The following ATP5IF1 variants were observed in gnomAD, a reference collection of about 807,000 sequenced individuals.
ATP5IF1 encodes the protein ATP synthase inhibitory factor subunit 1, also known as ATPase inhibitor, mitochondrial.
ATP5IF1 carries 12 observed loss-of-function variants against 8.5 expected under a neutral mutation model. That is an observed-to-expected ratio of 1.41 (90% CI 0.90 to 2.28). The LOEUF (loss-of-function observed/expected upper bound fraction) is 2.28, where lower values mean the gene tolerates loss of function less well. Ranked by LOEUF, ATP5IF1 falls within the 30% of genes most tolerant of loss-of-function variation. The pLI, the probability that ATP5IF1 is intolerant of heterozygous loss-of-function variation, is 0.00. For synonymous variants in ATP5IF1, 51 were observed against 53.4 expected (o/e 0.96, Z 0.19); for missense variants, 154 against 140.2 (o/e 1.10, Z -0.50).
chr1:28,236,280 G>T lies in ATP5IF1; in HGVS notation c.87+10G>T. ...CTTCGGCTCGGATCAGGTACGCTGCGGCAGTGTCCGCTGCTCCAGCCCCGC... is the reference window on the plus strand; with the variant it reads ...CTTCGGCTCGGATCAGGTACGCTGCTGCAGTGTCCGCTGCTCCAGCCCCGC... On this transcript the variant is annotated intron_variant, in intron 1 of 2. Coordinates refer to ENST00000335514, the MANE Select transcript of ATP5IF1 (RefSeq NM_016311.5). 6.2e-7 allele frequency: 1 copy of T among 1,614,140 alleles called. No individual in the cohort carries two copies. Among genetic ancestry groups the T allele is most frequent in the Non-Finnish European group, 8.5e-7 (1 of 1,180,020 alleles).
At position 28,237,042 on chromosome 1, in the gene ATP5IF1, G is replaced by A. The variant is rs1012515257; in HGVS notation, c.179+590G>A. The A allele has an allele frequency of 1.8e-5, 18 of 1,005,264 alleles. No homozygotes were observed. In the African/African-American group the frequency reaches 2.6e-4, roughly 15 times the overall value. 62.3% of individuals were successfully genotyped at this position (1,005,264 alleles called of 1,614,324 possible). A position where few individuals can be genotyped will look rare whatever the true frequency, so the allele number is the denominator to read the frequency against. On this transcript the variant is annotated intron_variant, in intron 2 of 2. Transcript: ENST00000335514. Reference sequence around the variant, plus strand: ...CTTTTGCCCTACTCAGCCCAACCTAGACCTGTAGATTTCCCTCTCCTGCTT... The same window carrying A: ...CTTTTGCCCTACTCAGCCCAACCTAAACCTGTAGATTTCCCTCTCCTGCTT...
At chr1:28,237,222 C>A in intron 2 of ATP5IF1, 1 of 991,618 alleles carries the variant, frequency 1.0e-6, no homozygotes, top group South Asian at 4.6e-5. Context: ...CACCATGACA[C>A]CTGCCATACC....
At position 28,236,427 on chromosome 1, in the gene ATP5IF1, C is replaced by T; in HGVS notation, c.154C>T (p.Gln52Ter). 1 of 1,614,228 alleles carries T rather than the reference C, an allele frequency of 6.2e-7. No individual in the cohort carries two copies. Among genetic ancestry groups the T allele is most frequent in the Non-Finnish European group, 8.5e-7 (1 of 1,180,044 alleles). Residue 52 changes from glutamine to a stop codon, truncating the protein, a stop_gained, in exon 2 of 3, where the codon CAG becomes TAG. Transcript: ENST00000335514. LOFTEE classifies it high-confidence loss of function. ...CGGTGGGGCCTTCGGAAAGAGAGAG[C>T]AGGCTGAAGAGGAACGATATTTCCG... ...EAGGAFGKREQAEEERYFRAQ... is the reference protein window; with the variant it reads ...EAGGAFGKRE
At chr1:28,237,003 C>G (rs1647043317) in intron 2 of ATP5IF1, 3 of 1,026,374 alleles carry the variant, frequency 2.9e-6, no homozygotes, top group Non-Finnish European at 2.3e-6. Context: ...TGGTTGGACA[C>G]CATCTTCTAA....
At chr1:28,237,057 C>G in intron 2 of ATP5IF1, 1 of 998,990 alleles carries the variant, frequency 1.0e-6, no homozygotes, top group Non-Finnish European at 1.2e-6. Context: ...GTAGATTTCC[C>G]TCTCCTGCTT....
At chr1:28,236,666 C>T in intron 2 of ATP5IF1, 1 of 1,458,764 alleles carries the variant, frequency 6.9e-7, no homozygotes, top group Non-Finnish European at 9.0e-7. Flanking sequence ...CAGTTTCAGG[C>T]CCCCAAACCG....
chr1:28,236,662 C>T (rs750708959), intron 2 of ATP5IF1: 3 of 1,473,154 alleles, frequency 2.0e-6, no homozygotes, highest in Non-Finnish European at 2.7e-6. Flanking sequence ...ACAACAGTTT[C>T]AGGCCCCCAA....
rs780260743 is a variant in ATP5IF1 at position 28,236,153 on chromosome 1, C to T, written c.-31C>T. On this transcript the variant is annotated 5_prime_UTR_variant, in exon 1 of 3. Transcript: ENST00000335514. Reference sequence around the variant, plus strand: ...CGTAACGAGAGACTGCTTGCTGCGGCAGAGACGCCAGAGGTGCAGCTCCAG... The same window carrying T: ...CGTAACGAGAGACTGCTTGCTGCGGTAGAGACGCCAGAGGTGCAGCTCCAG... 2.2e-5 allele frequency: 36 copies of T among 1,608,798 alleles called. No homozygotes were observed. Among genetic ancestry groups the T allele is most frequent in the Non-Finnish European group, 3.1e-5 (36 of 1,179,682 alleles).
intron 1 of ATP5IF1, 29 bp from the exon 2 acceptor site, chr1:28,236,332 C>T: frequency 1.9e-6 from 3 of 1,614,218 alleles, no homozygotes; most frequent in Non-Finnish European, 2.5e-6. Flanking sequence ...TGCTTCCGTA[C>T]CTTTACCAGT....
At position 28,238,051 on chromosome 1, in the gene ATP5IF1, A is replaced by G. The variant is rs536061932; in HGVS notation, c.*73A>G. The G allele has an allele frequency of 9.0e-6, 13 of 1,442,440 alleles. No homozygotes were observed. In the South Asian group the frequency reaches 1.7e-4, roughly 19 times the overall value. The allele number at this position is 1,442,440 out of a possible 1,614,324, so 89.4% of individuals were successfully genotyped here. On this transcript the variant is annotated 3_prime_UTR_variant, in exon 3 of 3. Coordinates refer to ENST00000335514, the MANE Select transcript of ATP5IF1 (RefSeq NM_016311.5). ...TGTAGACATGGTTCTGGTTTAACTA[A>G]TATTTGTCTGTGTGCTACTAACAGA...
At chr1:28,236,789 C>T (rs1647040986) in intron 2 of ATP5IF1, 1 of 1,247,088 alleles carries the variant, frequency 8.0e-7, no homozygotes, top group Non-Finnish European at 1.0e-6. Context: ...ATTCTTCGCA[C>T]AGTGTCTAGA....
chr1:28,237,794 G>A lies in ATP5IF1; in HGVS notation c.180-43G>A. 3 of 1,614,168 alleles carry A rather than the reference G, an allele frequency of 1.9e-6. 1 individual carries two copies. In the South Asian group the frequency reaches 3.3e-5, roughly 18 times the overall value. ...GGTTATGCTTTGAGATCTCTTTGGG[G>A]TGAAGGATTGAAATTAAACCCTGAG... On this transcript the variant is annotated intron_variant, in intron 2 of 2. Transcript: ENST00000335514.
Position 28,236,852 on chromosome 1 carries a change from C to G in ATP5IF1, c.179+400C>G, listed in dbSNP as rs879229588. On this transcript the variant is annotated intron_variant, in intron 2 of 2. Coordinates refer to ENST00000335514, the MANE Select transcript of ATP5IF1 (RefSeq NM_016311.5). Reference sequence around the variant, plus strand: ...CCTGACTCCCTCGGCCCTTACCCACCTGTCACCCCCTCTACGCTCTCCTTC... The same window carrying G: ...CCTGACTCCCTCGGCCCTTACCCACGTGTCACCCCCTCTACGCTCTCCTTC... 113 of 1,164,614 alleles carry G rather than the reference C, an allele frequency of 9.7e-5. 3 individuals are homozygous for G. The South Asian group carries it at 1.7e-3, about 17-fold the overall frequency. 72.1% of individuals were successfully genotyped at this position (1,164,614 alleles called of 1,614,324 possible). A position where few individuals can be genotyped will look rare whatever the true frequency, so the allele number is the denominator to read the frequency against.
chr1:28,236,831 A>G, intron 2 of ATP5IF1: 2 of 1,097,520 alleles, frequency 1.8e-6, no homozygotes, highest in Non-Finnish European at 2.2e-6. Context: ...TCCCAGCCTG[A>G]CTCCCTCGGC....
intron 2 of ATP5IF1, chr1:28,236,728 A>G: frequency 7.3e-7 from 1 of 1,363,846 alleles, no homozygotes; most frequent in South Asian, 1.5e-5. Flanking sequence ...CTCCTTTATC[A>G]TTACCATCTC....
At chr1:28,236,651 C>A in intron 2 of ATP5IF1, 199 bp downstream of exon 2, 1 of 1,485,958 alleles carries the variant, frequency 6.7e-7, no homozygotes, top group East Asian at 2.5e-5. Flanking sequence ...CAGTTACCTG[C>A]ACAACAGTTT....
At chr1:28,237,055 C>T (rs1647043549) in intron 2 of ATP5IF1, 3 of 999,074 alleles carry the variant, frequency 3.0e-6, no homozygotes, top group South Asian at 8.6e-5. Flanking sequence ...CTGTAGATTT[C>T]CCTCTCCTGC....
At chr1:28,236,758 G>T (rs984953734) in intron 2 of ATP5IF1, 4 of 1,301,562 alleles carry the variant, frequency 3.1e-6, no homozygotes, top group Non-Finnish European at 3.9e-6. Context: ...GTTCTCCTCA[G>T]GTCGTGCGAA....
At chr1:28,237,129 G>C in intron 2 of ATP5IF1, 4 of 993,616 alleles carry the variant, frequency 4.0e-6, no homozygotes, top group Non-Finnish European at 4.8e-6. Flanking sequence ...ACTGACTTCT[G>C]TCCACTCTGG....
Sources: allele counts gnomAD v4.1 joint callset, GRCh38; gene constraint gnomAD v4.1.1; transcripts MANE v1.5; gene names NCBI Gene and HGNC (gene_info 2026-07-23, HGNC 2026-07-21).